The following IFI44 variants were observed in gnomAD, a reference collection of about 807,000 sequenced individuals.
IFI44 encodes the protein interferon-induced protein 44.
IFI44 carries 42 observed loss-of-function variants against 45.0 expected under a neutral mutation model. That is an observed-to-expected ratio of 0.93 (90% CI 0.73 to 1.21). The LOEUF is 1.21. IFI44 is among the 50% of genes most tolerant of loss of function. IFI44 has a pLI of 0.00. For missense variants in IFI44, 623 were observed against 525.8 expected, an observed-to-expected ratio of 1.18 and a Z score of -1.81; for synonymous variants, 221 against 188.6, an observed-to-expected ratio of 1.17 and a Z score of -1.41.
chr1:78,654,990 T>A, intron 3 of IFI44, 24 bp from the exon 4 acceptor site: 1 of 1,515,162 alleles, frequency 6.6e-7, no homozygotes, highest in Non-Finnish European at 8.9e-7. Context: ...CAGTCAATTG[T>A]TAAAAACGGT....
In IFI44 at chr1:78,655,494, A is replaced by T; in HGVS notation, c.823A>T (p.Ile275Phe). 6.2e-7 allele frequency: 1 copy of T among 1,608,834 alleles called. No homozygotes were observed. Residue 275 changes from isoleucine to phenylalanine, a missense_variant, in exon 5 of 9, where the codon ATT becomes TTT. Transcript: ENST00000370747. Reference sequence around the variant, plus strand: ...CATATTCTATATCTTGAACGGTAACATTCGTGATAGATACCAGGTAATATT... The same window carrying T: ...CATATTCTATATCTTGAACGGTAACTTTCGTGATAGATACCAGGTAATATT... ...DDIFYILNGNIRDRYQFNPME... is the reference protein window; with the variant it reads ...DDIFYILNGNFRDRYQFNPME...
At chr1:78,656,784 A>C (rs1015165457) in intron 5 of IFI44, among the ~76,000 whole-genome samples, 1 of 146,692 alleles carries the variant, frequency 6.8e-6, no homozygotes, top group African/African-American at 2.5e-5. Context: ...CTATTAAAAA[A>C]CACAGCAAGT....
chr1:78,663,398 G>A (rs565478139), intron 8 of IFI44: 137 of 984,964 alleles, frequency 1.4e-4, no homozygotes, highest in East Asian at 3.4e-4. Context: ...AATGGCCACC[G>A]CATTTAGTAT....
Position 78,650,248 on chromosome 1 carries a change from A to C in IFI44, c.53A>C (p.His18Pro). The C allele has an allele frequency of 1.2e-6, 2 of 1,611,016 alleles. No individual in the cohort carries two copies. The highest frequency in any genetic ancestry group is 8.5e-7 in the Non-Finnish European group (1 of 1,177,368). The change falls in exon 2 of 9, where the codon CAT becomes CCT. Residue 18 changes from histidine (H) to proline (P), a missense_variant. Coordinates refer to ENST00000370747, the MANE Select transcript of IFI44 (RefSeq NM_006417.5). ...TTGCACGAAAAGATCCTGCAAAATC[A>C]TTTTGGAGGGAAGCGGCTTAGCCTT... ...TWLHEKILQN[H>P]FGGKRLSLLY...
chr1:78,655,453 G>A lies in IFI44; in HGVS notation c.782G>A (p.Gly261Asp), dbSNP rs766913506. ...DSLGLSEKEGGLCRDDIFYIL... is the reference protein window; with the variant it reads ...DSLGLSEKEGDLCRDDIFYIL... ...CTGGGGCTGAGTGAGAAAGAAGGCG[G>A]CCTGTGCAGGGATGACATATTCTAT... Residue 261 changes from glycine to aspartate, a missense_variant, in exon 5 of 9, where the codon GGC (glycine) becomes GAC (aspartate). By Grantham distance (94) the Gly-to-Asp change is moderately conservative. Coordinates refer to ENST00000370747, the MANE Select transcript of IFI44 (RefSeq NM_006417.5). The A allele has an allele frequency of 6.8e-6, 11 of 1,613,770 alleles. No individual in the cohort carries two copies. The highest frequency in any genetic ancestry group is 5.3e-5 in the African/African-American group (4 of 74,914).
At position 78,663,051 on chromosome 1, in the gene IFI44, C is replaced by T. The variant is rs140894772; in HGVS notation, c.1288+173C>T. On this transcript the variant is annotated intron_variant, in intron 8 of 8. Transcript: ENST00000370747. ...CATTTTTCCCTCCTTGCATTTCCCTCTTTTCCTGGAGTTCATACTAGAGAA... is the reference window on the plus strand; with the variant it reads ...CATTTTTCCCTCCTTGCATTTCCCTTTTTTCCTGGAGTTCATACTAGAGAA... 9.7e-4 allele frequency: 1,425 copies of T among 1,465,272 alleles called. 14 individuals are homozygous for T. In the African/African-American group the frequency reaches 0.019, roughly 19 times the overall value. The allele number at this position is 1,465,272 out of a possible 1,614,324, so 90.8% of individuals were successfully genotyped here. A position where few individuals can be genotyped will look rare whatever the true frequency, so the allele number is the denominator to read the frequency against.
At chr1:78,657,183 A>G (rs551859964) in intron 5 of IFI44, among the ~76,000 whole-genome samples, 2 of 152,150 alleles carry the variant, frequency 1.3e-5, no homozygotes, top group South Asian at 4.1e-4. Context: ...ATACAACTCA[A>G]TGTTCAAATT....
intron 7 of IFI44, among the ~76,000 whole-genome samples, chr1:78,661,533 G>A (rs1361943507): frequency 6.6e-6 from 1 of 151,936 alleles, no homozygotes; most frequent in Non-Finnish European, 1.5e-5. Flanking sequence ...TTAAGGTTGA[G>A]CCAGTGTGTT....
intron 7 of IFI44, among the ~76,000 whole-genome samples, chr1:78,661,037 T>A (rs927738935): frequency 2.6e-5 from 4 of 152,188 alleles, no homozygotes; most frequent in Non-Finnish European, 5.9e-5. Context: ...GAAAATAACC[T>A]GTACATGTTC....
At chr1:78,662,967 G>A (rs771685780) in intron 8 of IFI44, 89 bp downstream of exon 8, 1 of 1,605,866 alleles carries the variant, frequency 6.2e-7, no homozygotes, top group Non-Finnish European at 8.5e-7. Flanking sequence ...GCAGCTCTCT[G>A]TCTTTTTGTG....
chr1:78,662,677 A>G, intron 7 of IFI44, 27 bp from the exon 8 acceptor site: 1 of 1,524,074 alleles, frequency 6.6e-7, no homozygotes, highest in Non-Finnish European at 9.1e-7. Flanking sequence ...ACTGTTTTGC[A>G]ATGTCTTTTT....
chr1:78,655,541 T>A (rs765490988), intron 5 of IFI44, 30 bp downstream of exon 5: 1 of 1,565,864 alleles, frequency 6.4e-7, no homozygotes. Flanking sequence ...AAATTATAAC[T>A]GATTTTTAAA....
chr1:78,662,713 G>T lies in IFI44; in HGVS notation c.1123G>T (p.Val375Phe), dbSNP rs183905331. ...CEPVRSKLEE[V>F]QRKLGFALSD... Reference sequence around the variant, plus strand: ...AATTTCTGTATTGCAGCTAGAGGAAGTCCAAAGAAAACTTGGATTTGCTCT... The same window carrying T: ...AATTTCTGTATTGCAGCTAGAGGAATTCCAAAGAAAACTTGGATTTGCTCT... The change falls in exon 8 of 9, where the codon GTC (valine) becomes TTC (phenylalanine). Residue 375 changes from valine to phenylalanine, a missense_variant. By Grantham distance (50) the Val-to-Phe change is conservative. Transcript: ENST00000370747. 4 of 1,612,478 alleles carry T rather than the reference G, an allele frequency of 2.5e-6. No homozygotes were observed. In the East Asian group the frequency reaches 8.9e-5, roughly 36 times the overall value.
intron 8 of IFI44, 91 bp downstream of exon 8, chr1:78,662,969 CT>C: frequency 6.2e-7 from 1 of 1,605,684 alleles, no homozygotes; most frequent in Non-Finnish European, 8.5e-7. Context: ...AGCTCTCTGT[CT>C]TTTTGTGGGT....
chr1:78,662,930 T>C, intron 8 of IFI44, 52 bp downstream of exon 8: 2 of 1,612,884 alleles, frequency 1.2e-6, no homozygotes. Flanking sequence ...AGTTGGCTAC[T>C]TTCTGCTTGG....
chr1:78,660,558 G>C lies in IFI44; in HGVS notation c.1017G>C (p.Val339=). Residue 339 remains valine (V), a synonymous_variant, in exon 7 of 9, where the codon GTG becomes GTC. Transcript: ENST00000370747. ...RIRRELVNAG[V]VHVALLTHVD... ...AAAAAATTCTGTTTGGCATAGGTGT[G>C]GTACATGTGGCTTTGCTCACTCATG... 1 of 1,610,662 alleles carries C rather than the reference G, an allele frequency of 6.2e-7. No individual in the cohort carries two copies. Among genetic ancestry groups the C allele is most frequent in the Non-Finnish European group, 8.5e-7 (1 of 1,177,092 alleles).
At chr1:78,654,631 G>A (rs989871364) in intron 3 of IFI44, among the ~76,000 whole-genome samples, 1 of 151,818 alleles carries the variant, frequency 6.6e-6, no homozygotes, top group Non-Finnish European at 1.5e-5. Flanking sequence ...TCAAGAACAT[G>A]TTAGAAATTG....
At chr1:78,657,465 T>C (rs1185033903) in intron 5 of IFI44, among the ~76,000 whole-genome samples, 1 of 152,134 alleles carries the variant, frequency 6.6e-6, no homozygotes, top group African/African-American at 2.4e-5. Context: ...AGGTTCTACT[T>C]CATAGATTGT....
At chr1:78,660,437 G>T in intron 6 of IFI44, 117 bp from the exon 7 acceptor site, 1 of 725,818 alleles carries the variant, frequency 1.4e-6, no homozygotes, top group East Asian at 2.7e-5. Context: ...CCGGGGTGTG[G>T]GGGATCTTTC....
Sources: gnomAD v4.1 joint callset for allele counts (sites outside exome capture counted in the v4.1 genomes callset) on GRCh38, gnomAD v4.1.1 for gene constraint, MANE v1.5 for transcripts, NCBI Gene and HGNC (gene_info 2026-07-23, HGNC 2026-07-21) for gene names.